The following COG4 variants were observed in gnomAD, a reference collection of about 807,000 sequenced individuals.
COG4 encodes the protein conserved oligomeric Golgi complex subunit 4.
In COG4, 65 loss-of-function variants were observed where a neutral mutation model predicts 95.1. The observed-to-expected ratio is 0.68, with a 90% CI of 0.56 to 0.84. The LOEUF (loss-of-function observed/expected upper bound fraction) is 0.84, where lower values mean the gene tolerates loss of function less well. COG4 is among the 40% of genes least tolerant of loss of function. The pLI is 0.00. For synonymous variants in COG4, 421 were observed against 374.8 expected (o/e 1.12, Z -1.42); for missense variants, 1,045 against 989.1 (o/e 1.06, Z -0.76).
At chr16:70,520,691 A>C (rs1202490185) in intron 1 of COG4, among the ~76,000 whole-genome samples, 3 of 152,092 alleles carry the variant, frequency 2.0e-5, no homozygotes, top group African/African-American at 7.2e-5. Flanking sequence ...CATCTTGCTG[A>C]AATGAAATTT....
At chr16:70,516,284 G>A (rs757794428) in intron 3 of COG4, among the ~76,000 whole-genome samples, 3 of 151,326 alleles carry the variant, frequency 2.0e-5, no homozygotes, top group Non-Finnish European at 4.4e-5. Context: ...TGCTTTACTA[G>A]GGTTTTGTTG....
chr16:70,481,708 C>T (rs2048997496), intron 17 of COG4, 56 bp downstream of exon 17: 2 of 1,495,478 alleles, frequency 1.3e-6, no homozygotes, highest in East Asian at 2.3e-5. Flanking sequence ...GGTGGCATGA[C>T]ATGTCTTCCT....
intron 7 of COG4, 123 bp from the exon 8 acceptor site, chr16:70,508,587 C>A (rs1264421059): frequency 1.1e-6 from 1 of 875,096 alleles, no homozygotes; most frequent in Admixed American, 1.9e-5. Flanking sequence ...CCAGGTTTAC[C>A]TTCCCTTCAA....
Position 70,500,962 on chromosome 16 carries a change from C to G in COG4, c.1191G>C (p.Lys397Asn). The G allele has an allele frequency of 6.2e-7, 1 of 1,614,138 alleles. No homozygotes were observed. The highest frequency in any genetic ancestry group is 8.5e-7 in the Non-Finnish European group (1 of 1,180,022). The part of the protein sequence containing the change: ...VGDSMASEEV[K>N]QEHQKCLDKL... ...AAATATGGGAAACGTTTTTACCTTG[C>G]TTTACTTCCTCTGAGGCCATGGAGT... is the stretch of plus-strand genomic sequence containing the variant. Residue 397 changes from lysine to asparagine, a missense_variant, in exon 9 of 19, where the codon AAG becomes AAC. Lys to Asn is a moderately conservative substitution (Grantham distance 94). Transcript: ENST00000323786.
intron 8 of COG4, among the ~76,000 whole-genome samples, chr16:70,503,253 T>C (rs2049489946): frequency 6.6e-6 from 1 of 152,176 alleles, no homozygotes; most frequent in Admixed American, 6.5e-5. Context: ...GGTTTCCCCA[T>C]GTTGTCCAGG....
chr16:70,485,919 G>A (rs540072724), intron 13 of COG4, among the ~76,000 whole-genome samples: 1 of 136,492 alleles, frequency 7.3e-6, no homozygotes, highest in African/African-American at 2.8e-5. Context: ...CTTTTGAGAC[G>A]GAGTCTTGCT....
intron 12 of COG4, among the ~76,000 whole-genome samples, chr16:70,494,500 C>T (rs1042027907): frequency 6.6e-6 from 1 of 152,162 alleles, no homozygotes; most frequent in Non-Finnish European, 1.5e-5. Flanking sequence ...CATTTAGCAT[C>T]GCCTCTCTTT....
intron 12 of COG4, among the ~76,000 whole-genome samples, chr16:70,491,345 T>A (rs1185046355): frequency 6.6e-6 from 1 of 151,178 alleles, no homozygotes; most frequent in Non-Finnish European, 1.5e-5. Context: ...TGAAACCCTG[T>A]CTCTAATAAA....
chr16:70,488,014 G>A (rs1041230394), intron 13 of COG4, among the ~76,000 whole-genome samples: 4 of 151,982 alleles, frequency 2.6e-5, no homozygotes, highest in South Asian at 4.2e-4. Context: ...TAGTAGAGAT[G>A]GGGTTTCACT....
intron 3 of COG4, chr16:70,515,916 G>T (rs2049812750): frequency 6.7e-6 from 3 of 444,624 alleles, no homozygotes; most frequent in South Asian, 4.8e-5. Context: ...AGATCCTACT[G>T]CTTTGGTCTC....
intron 11 of COG4, among the ~76,000 whole-genome samples, chr16:70,496,719 G>A (rs184303958): frequency 2.1e-4 from 32 of 152,208 alleles, no homozygotes; most frequent in Non-Finnish European, 3.8e-4. Context: ...GTGCGGCTTA[G>A]TGAACGCAGT....
chr16:70,514,383 A>G lies in COG4; in HGVS notation c.496T>C (p.Leu166=). 6.2e-7 allele frequency: 1 copy of G among 1,614,148 alleles called. No individual in the cohort carries two copies. The highest frequency in any genetic ancestry group is 8.5e-7 in the Non-Finnish European group (1 of 1,180,018). The change falls in exon 4 of 19, where the codon TTG becomes CTG. Residue 166 remains leucine, a synonymous_variant. Coordinates refer to ENST00000323786, the MANE Select transcript of COG4 (RefSeq NM_015386.3). ...TCAATGACCGACTTGTCCAGGCACA[A>G]GTAGCGATGAGTATGTGCTGCAGCC... The part of the protein sequence containing the change: ...EQAAAHTHRY[L]CLDKSVIELS...
intron 8 of COG4, among the ~76,000 whole-genome samples, chr16:70,503,440 T>TA (rs2049493762): frequency 6.6e-6 from 1 of 152,222 alleles, no homozygotes; most frequent in African/African-American, 2.4e-5. Flanking sequence ...AGCCTGACTC[T>TA]AATGATCTCT....
In COG4 at chr16:70,506,598, AAAAAAAAAAAAAAAAAAAAC is replaced by A. The variant is rs1045799210; in HGVS notation, c.1061+1788_1061+1807del. On this transcript the variant is annotated intron_variant, in intron 8 of 18. Transcript: ENST00000323786. ...GCAACAGAGCGAGACTGCCTCAAAA[AAAAAAAAAAAAAAAAAAAAC>A]AAAAAAAAAAACATTTAGCTGGGAG... Among the ~76,000 whole-genome samples, 34 of 93,090 alleles carry A rather than the reference AAAAAAAAAAAAAAAAAAAAC, an allele frequency of 3.7e-4. No homozygotes were observed. In the Middle Eastern group the frequency reaches 0.013, roughly 37 times the overall value. The allele number at this position is 93,090 out of a possible 152,430, so 61.1% of individuals were successfully genotyped here.
rs34101495 is a variant in COG4, at chr16:70,489,220, ATTTTTTT to A, written c.1710+1103_1710+1109del. Reference sequence around the variant, plus strand: ...TTTTTATAAGGTGCTTTTGATCCTGATTTTTTTTTTTTTTTTGAGACAGAATCTCCCT... The same window carrying A: ...TTTTTATAAGGTGCTTTTGATCCTGATTTTTTTTTGAGACAGAATCTCCCT... On this transcript the variant is annotated intron_variant, in intron 13 of 18. Transcript: ENST00000323786. 2.1e-5 allele frequency among the ~76,000 whole-genome samples: 3 copies of A among 141,874 alleles called. No homozygotes were observed. In the East Asian group the frequency reaches 6.2e-4, roughly 29 times the overall value. 93.1% of individuals were successfully genotyped at this position (141,874 alleles called of 152,430 possible). A position where few individuals can be genotyped will look rare whatever the true frequency, so the allele number is the denominator to read the frequency against.
At chr16:70,515,544 C>A (rs1438341738) in intron 3 of COG4, among the ~76,000 whole-genome samples, 1 of 152,028 alleles carries the variant, frequency 6.6e-6, no homozygotes, top group Non-Finnish European at 1.5e-5. Flanking sequence ...ATTAGCCAGG[C>A]CTGGTGGCGC....
At chr16:70,481,978 G>T in intron 16 of COG4, 113 bp from the exon 17 acceptor site, 1 of 1,342,846 alleles carries the variant, frequency 7.4e-7, no homozygotes. Flanking sequence ...TTCTACAGGT[G>T]AGGGTTGGAA....
In COG4 at chr16:70,518,887, G is replaced by A. The variant is rs1456749722; in HGVS notation, c.254+762C>T. 2.1e-4 allele frequency among the ~76,000 whole-genome samples: 32 copies of A among 151,480 alleles called. 1 individual carries two copies. Among genetic ancestry groups the A allele is most frequent in the Admixed American group, 2.1e-3 (32 of 15,158 alleles). On this transcript the variant is annotated intron_variant, in intron 2 of 18. Transcript: ENST00000323786. ...AGCTACTCGAGAGGCTGAGGCAGGA[G>A]AATCGCTTGAACCTGGGAGGCAGAG...
chr16:70,482,063 C>G, intron 16 of COG4, 29 bp downstream of exon 16: 5 of 1,585,592 alleles, frequency 3.2e-6, no homozygotes, highest in Non-Finnish European at 4.3e-6. Context: ...GGGTAATTCC[C>G]TAAGTGGATC....
Sources: gnomAD v4.1 joint callset for allele counts (sites outside exome capture counted in the v4.1 genomes callset) on GRCh38, gnomAD v4.1.1 for gene constraint, MANE v1.5 for transcripts, NCBI Gene and HGNC (gene_info 2026-07-23, HGNC 2026-07-21) for gene names.